PTPRO: variants seen among roughly 807,000 people sequenced by gnomAD.
The protein encoded by PTPRO is protein tyrosine phosphatase receptor type O.
Under a neutral mutation model 145.2 loss-of-function variants are expected in PTPRO, and 62 were observed. That is an observed-to-expected ratio of 0.43 (90% CI 0.35 to 0.53). The LOEUF (loss-of-function observed/expected upper bound fraction) is 0.53. PTPRO is among the 20% of genes least tolerant of loss of function. The probability of loss-of-function intolerance (pLI) is 0.01; values close to 1 mark genes in which losing one functional copy is unlikely to be tolerated. For synonymous variants in PTPRO, 565 were observed against 514.7 expected (o/e 1.10, Z -1.32); for missense variants, 1,345 against 1,482.7 (o/e 0.91, Z 1.53).
chr12:15,526,038 T>C (rs1044965420), intron 11 of PTPRO, 104 bp from the exon 12 acceptor site: 7 of 1,397,294 alleles, frequency 5.0e-6, no homozygotes, highest in South Asian at 4.6e-5. Flanking sequence ...GACTGCTGCA[T>C]AGAACAGAGA....
At chr12:15,512,615 T>C (rs897637470) in intron 7 of PTPRO, among the ~76,000 whole-genome samples, 4 of 152,230 alleles carry the variant, frequency 2.6e-5, no homozygotes, top group Non-Finnish European at 5.9e-5. Flanking sequence ...TGTTGTATCA[T>C]ATAAAGTGTA....
chr12:15,426,325 T>C (rs546723139), intron 1 of PTPRO, among the ~76,000 whole-genome samples: 31 of 152,112 alleles, frequency 2.0e-4, no homozygotes, highest in African/African-American at 7.0e-4. Context: ...ATTAGTTATC[T>C]TGGAATTTTT....
intron 19 of PTPRO, among the ~76,000 whole-genome samples, chr12:15,572,933 G>C (rs993314331): frequency 1.1e-4 from 16 of 152,160 alleles, no homozygotes; most frequent in Non-Finnish European, 1.5e-5. Flanking sequence ...TCTTCAATGA[G>C]TGGGACATTC....
At chr12:15,420,794 C>G (rs954602857) in intron 1 of PTPRO, among the ~76,000 whole-genome samples, 12 of 152,176 alleles carry the variant, frequency 7.9e-5, no homozygotes, top group Non-Finnish European at 1.6e-4. Context: ...GCCCTCCCTT[C>G]TGGGTCAGTT....
chr12:15,530,237 T>G lies in PTPRO; in HGVS notation c.2164+3975T>G, dbSNP rs576463215. 2.5e-4 allele frequency among the ~76,000 whole-genome samples: 38 copies of G among 152,228 alleles called. No homozygotes were observed. In the South Asian group the frequency reaches 7.7e-3, roughly 31 times the overall value. On this transcript the variant is annotated intron_variant, in intron 12 of 26. Coordinates refer to ENST00000281171, the MANE Select transcript of PTPRO (RefSeq NM_030667.3). Reference sequence around the variant, plus strand: ...GCTCCTAAGTAAATAAAGTAAACATTAATAGATCTAAAGGAACAGATAGAC... The same window carrying G: ...GCTCCTAAGTAAATAAAGTAAACATGAATAGATCTAAAGGAACAGATAGAC...
chr12:15,500,854 G>A (rs1443973664), intron 4 of PTPRO, among the ~76,000 whole-genome samples: 1 of 152,118 alleles, frequency 6.6e-6, no homozygotes. Flanking sequence ...CCCAGGAGGC[G>A]GAGGTTGCAG....
chr12:15,400,916 A>G (rs1307935202), intron 1 of PTPRO, among the ~76,000 whole-genome samples: 1 of 152,220 alleles, frequency 6.6e-6, no homozygotes, highest in South Asian at 2.1e-4. Context: ...ATTGTTGCTT[A>G]TGGTATATTT....
chr12:15,391,140 T>C (rs1383163244), intron 1 of PTPRO, among the ~76,000 whole-genome samples: 1 of 152,200 alleles, frequency 6.6e-6, no homozygotes, highest in African/African-American at 2.4e-5. Flanking sequence ...CAAGGAACTG[T>C]GGGAGGATGT....
At chr12:15,545,194 A>G (rs1052253188) in intron 12 of PTPRO, among the ~76,000 whole-genome samples, 8 of 152,072 alleles carry the variant, frequency 5.3e-5, no homozygotes, top group African/African-American at 7.2e-5. Flanking sequence ...TCTAAAGGAC[A>G]GGAGCTGGAG....
At chr12:15,536,943 G>A (rs2136550177) in intron 12 of PTPRO, among the ~76,000 whole-genome samples, 1 of 152,306 alleles carries the variant, frequency 6.6e-6, no homozygotes, top group Middle Eastern at 3.4e-3. Flanking sequence ...ATGAAAAGTG[G>A]TCAGATTCAA....
At chr12:15,354,044 T>A (rs1443470178) in intron 1 of PTPRO, among the ~76,000 whole-genome samples, 1 of 152,226 alleles carries the variant, frequency 6.6e-6, no homozygotes, top group East Asian at 1.9e-4. Flanking sequence ...CTGAACAAAC[T>A]AAGATGTCTA....
chr12:15,466,895 CA>C (rs1186418341), intron 1 of PTPRO, among the ~76,000 whole-genome samples: 1 of 152,136 alleles, frequency 6.6e-6, no homozygotes, highest in Non-Finnish European at 1.5e-5. Flanking sequence ...ATCCGTGGCA[CA>C]AACCTGAAAT....
chr12:15,415,006 A>G (rs1939907702), intron 1 of PTPRO, among the ~76,000 whole-genome samples: 2 of 152,330 alleles, frequency 1.3e-5, no homozygotes, highest in East Asian at 1.9e-4. Flanking sequence ...CTCAAAAATG[A>G]ACTCCACCAA....
intron 1 of PTPRO, among the ~76,000 whole-genome samples, chr12:15,459,314 A>T (rs139431417): frequency 5.6e-4 from 86 of 152,264 alleles, no homozygotes; most frequent in Non-Finnish European, 1.0e-3. Flanking sequence ...TAGTAGCTCC[A>T]GGTGTCTGGA....
chr12:15,411,370 G>A (rs1282679077), intron 1 of PTPRO, among the ~76,000 whole-genome samples: 2 of 152,060 alleles, frequency 1.3e-5, no homozygotes, highest in African/African-American at 4.8e-5. Context: ...TTCTTTTTCC[G>A]CTGACCAAAG....
At chr12:15,456,112 T>C (rs1019211240) in intron 1 of PTPRO, among the ~76,000 whole-genome samples, 20 of 152,232 alleles carry the variant, frequency 1.3e-4, no homozygotes, top group Admixed American at 1.3e-3. Flanking sequence ...GAGCATTTCA[T>C]GTATGTCCTT....
rs954587566 is a variant in PTPRO at position 15,534,868 on chromosome 12, G to A, written c.2164+8606G>A. ...AGGGGAACTAATTAAGGGGCTATTT[G>A]TGCCAGCTTTAAAAATTATATTCTA... On this transcript the variant is annotated intron_variant, in intron 12 of 26. Transcript: ENST00000281171. Among the ~76,000 whole-genome samples, 3 of 152,196 alleles carry A rather than the reference G, an allele frequency of 2.0e-5. No individual in the cohort carries two copies. In the South Asian group the frequency reaches 6.2e-4, roughly 32 times the overall value.
chr12:15,594,339 G>A (rs1246053640), intron 25 of PTPRO, among the ~76,000 whole-genome samples: 1 of 151,610 alleles, frequency 6.6e-6, no homozygotes, highest in East Asian at 1.9e-4. Flanking sequence ...GTATGATAAT[G>A]GGATATCCTT....
rs543865067 is a variant in PTPRO, at chr12:15,554,820, G to A, written c.2559-2635G>A. Among the ~76,000 whole-genome samples, 16 of 152,234 alleles carry A rather than the reference G, an allele frequency of 1.1e-4. No individual in the cohort carries two copies. In the South Asian group the frequency reaches 3.1e-3, roughly 30 times the overall value. On this transcript the variant is annotated intron_variant, in intron 15 of 26. Transcript: ENST00000281171. Reference sequence around the variant, plus strand: ...ACTTTGTGTCCTTCAATCCAATCAAGTTGACCCTCAGTATTAACCATCACA... The same window carrying A: ...ACTTTGTGTCCTTCAATCCAATCAAATTGACCCTCAGTATTAACCATCACA...
Sources: allele counts gnomAD v4.1 joint callset (sites outside exome capture counted in the v4.1 genomes callset), GRCh38; gene constraint gnomAD v4.1.1; transcripts MANE v1.5; gene names NCBI Gene and HGNC (gene_info 2026-07-23, HGNC 2026-07-21).